The following DAB1 variants were observed in gnomAD, a reference collection of about 807,000 sequenced individuals.
DAB1 encodes the protein disabled homolog 1.
A neutral mutation model predicts 64.6 loss-of-function variants in DAB1; 15 were observed. The ratio of observed to expected loss-of-function variants is 0.23; its 90% CI spans 0.16 to 0.36. The LOEUF (loss-of-function observed/expected upper bound fraction) is 0.36, where lower values mean the gene tolerates loss of function less well. DAB1 is among the 10% of genes least tolerant of loss of function. DAB1 has a pLI of 1.00. For synonymous variants in DAB1, 235 were observed against 251.9 expected (o/e 0.93, Z 0.64); for missense variants, 596 against 706.7 (o/e 0.84, Z 1.78).
chr1:57,563,390 T>C (rs1645075974), intron 7 of DAB1, among the ~76,000 whole-genome samples: 1 of 152,130 alleles, frequency 6.6e-6, no homozygotes, highest in Admixed American at 6.5e-5. Context: ...GATTTCTGCA[T>C]TTCCAACTGA....
At chr1:57,140,630 C>T (rs990205650) in intron 3 of DAB1, among the ~76,000 whole-genome samples, 4 of 152,174 alleles carry the variant, frequency 2.6e-5, no homozygotes, top group East Asian at 3.9e-4. Context: ...ATAATATTCA[C>T]GTTTCTCACC....
intron 2 of DAB1, among the ~76,000 whole-genome samples, chr1:58,510,363 GAAT>G (rs780515522): frequency 1.1e-4 from 16 of 151,776 alleles, no homozygotes; most frequent in Non-Finnish European, 1.9e-4. Context: ...CACATTAACA[GAAT>G]AAAAAAACAC....
At chr1:56,999,585 C>T (rs1196373130) in intron 14 of DAB1, among the ~76,000 whole-genome samples, 1 of 152,146 alleles carries the variant, frequency 6.6e-6, no homozygotes, top group Non-Finnish European at 1.5e-5. Context: ...GGTCATTGTG[C>T]TGTCTCTTGT....
At chr1:57,164,865 C>T (rs1439701212) in intron 2 of DAB1, among the ~76,000 whole-genome samples, 2 of 152,082 alleles carry the variant, frequency 1.3e-5, no homozygotes, top group African/African-American at 4.8e-5. Flanking sequence ...ACAGTCAGGT[C>T]TACTCAGGTT....
At position 57,553,386 on chromosome 1, in the gene DAB1, GAAAGAAAGAAAGAAAGAA is replaced by G. The variant is rs1241087915; in HGVS notation, n.625+96188_625+96205del. On this transcript the variant is annotated intron_variant and non_coding_transcript_variant, in intron 7 of 20. Transcript: ENST00000485760. ...AAGAGAAGGAAGGAAGGAAGAAAGAGAAAGAAAGAAAGAAAGAAAGAAAGAAAGAAAGAAAGAAAGAAA... is the reference window on the plus strand; with the variant it reads ...AAGAGAAGGAAGGAAGGAAGAAAGAGAGAAAGAAAGAAAGAAAGAAAGAAA... 3.4e-4 allele frequency among the ~76,000 whole-genome samples: 5 copies of G among 14,564 alleles called. 1 individual carries two copies. The highest frequency in any genetic ancestry group is 6.6e-4 in the African/African-American group (5 of 7,612). The allele number at this position is 14,564 out of a possible 152,430, so 9.6% of individuals were successfully genotyped here.
intron 5 of DAB1, among the ~76,000 whole-genome samples, chr1:58,133,469 A>C (rs1008863232): frequency 2.6e-5 from 4 of 152,020 alleles, no homozygotes; most frequent in African/African-American, 9.7e-5. Flanking sequence ...TCTTATAGTC[A>C]TTTGCTTAAC....
chr1:57,723,495 G>C (rs1647174214), intron 6 of DAB1, among the ~76,000 whole-genome samples: 2 of 152,200 alleles, frequency 1.3e-5, no homozygotes, highest in Admixed American at 6.5e-5. Context: ...CCTTCACGAA[G>C]ACAACTTTGG....
Position 57,723,023 on chromosome 1 carries a change from G to A in DAB1, n.552-73358C>T, listed in dbSNP as rs142766323. ...CAAAAGCTTTCAATGGCTGTTCATG[G>A]CCTGCTGGATAAAAACCAAGCTCTT... On this transcript the variant is annotated intron_variant and non_coding_transcript_variant, in intron 6 of 20. Transcript: ENST00000485760. Among the ~76,000 whole-genome samples the A allele has an allele frequency of 5.4e-3, 827 of 152,224 alleles. 4 individuals are homozygous for A. Among genetic ancestry groups the A allele is most frequent in the African/African-American group, 0.018 (743 of 41,536 alleles).
At chr1:58,210,841 T>A (rs1451205619) in intron 4 of DAB1, among the ~76,000 whole-genome samples, 1 of 152,170 alleles carries the variant, frequency 6.6e-6, no homozygotes, top group Non-Finnish European at 1.5e-5. Flanking sequence ...GAAACTGAGA[T>A]AAATTCTATG....
At chr1:58,208,012 G>A (rs575279175) in intron 4 of DAB1, among the ~76,000 whole-genome samples, 1 of 152,262 alleles carries the variant, frequency 6.6e-6, no homozygotes, top group South Asian at 2.1e-4. Context: ...CCTTCACATG[G>A]TGGCAGCAAG....
chr1:57,799,412 G>A (rs760696381), intron 6 of DAB1, among the ~76,000 whole-genome samples: 26 of 152,118 alleles, frequency 1.7e-4, no homozygotes, highest in African/African-American at 5.3e-4. Context: ...GATGGAACTC[G>A]CTGGGAATGT....
chr1:57,475,369 C>A (rs1256159356), intron 7 of DAB1, among the ~76,000 whole-genome samples: 2 of 152,190 alleles, frequency 1.3e-5, no homozygotes, highest in Admixed American at 1.3e-4. Flanking sequence ...GAAGAGCCTA[C>A]CTCTCTTGCC....
Position 57,576,136 on chromosome 1 carries a change from T to C in DAB1, n.625+73456A>G, listed in dbSNP as rs569058936. 2.0e-5 allele frequency among the ~76,000 whole-genome samples: 3 copies of C among 152,298 alleles called. No individual in the cohort carries two copies. The South Asian group carries it at 6.2e-4, about 32-fold the overall frequency. ...TTAGATTTTGATCTTTTATTTTTAT[T>C]ATTTTTATTTTTTAATCATAATATT... On this transcript the variant is annotated intron_variant and non_coding_transcript_variant, in intron 7 of 20. Transcript: ENST00000485760.
At chr1:58,107,070 G>C (rs998769586) in intron 5 of DAB1, among the ~76,000 whole-genome samples, 1 of 151,160 alleles carries the variant, frequency 6.6e-6, no homozygotes, top group Non-Finnish European at 1.5e-5. Context: ...GCCTCCTGGA[G>C]CTTAATAGCT....
At chr1:57,304,147 C>G (rs1432151895) in intron 1 of DAB1, among the ~76,000 whole-genome samples, 1 of 152,114 alleles carries the variant, frequency 6.6e-6, no homozygotes, top group Non-Finnish European at 1.5e-5. Flanking sequence ...TTACTCATAG[C>G]AGAAGGGAAG....
chr1:57,899,033 C>T lies in DAB1; in HGVS notation n.388-14871G>A, dbSNP rs570017558. ...TAAGAATGCAGCTTTTTTTTTTTAA[C>T]CTAAAGAACATTTACTTTATAATTT... On this transcript the variant is annotated intron_variant and non_coding_transcript_variant, in intron 5 of 20. Coordinates refer to the DAB1 transcript ENST00000485760. Among the ~76,000 whole-genome samples the T allele has an allele frequency of 7.3e-5, 11 of 151,284 alleles. No individual in the cohort carries two copies. The South Asian group carries it at 2.3e-3, about 32-fold the overall frequency.
At chr1:57,022,704 T>C (rs1447550232) in intron 11 of DAB1, among the ~76,000 whole-genome samples, 1 of 152,244 alleles carries the variant, frequency 6.6e-6, no homozygotes, top group East Asian at 1.9e-4. Flanking sequence ...AACAACTCTA[T>C]TTGCCATTTA....
intron 1 of DAB1, among the ~76,000 whole-genome samples, chr1:57,367,118 T>TAAA (rs200326231): frequency 7.7e-6 from 1 of 129,936 alleles, no homozygotes; most frequent in Non-Finnish European, 1.7e-5. Flanking sequence ...TAAAATAAAA[T>TAAA]AAATAAATTA....
chr1:58,047,597 G>A (rs1350450929), intron 5 of DAB1, among the ~76,000 whole-genome samples: 5 of 152,098 alleles, frequency 3.3e-5, no homozygotes, highest in Middle Eastern at 3.2e-3. Context: ...TAACCCATTC[G>A]CTTGTTTATG....
Sources: gnomAD v4.1 joint callset for allele counts (sites outside exome capture counted in the v4.1 genomes callset) on GRCh38, gnomAD v4.1.1 for gene constraint, MANE v1.5 for transcripts, NCBI Gene and HGNC (gene_info 2026-07-23, HGNC 2026-07-21) for gene names.